SF3B1: variants seen among roughly 807,000 people sequenced by gnomAD.
SF3B1 encodes the protein splicing factor 3b subunit 1, also known as pre-mRNA processing 10.
Under a neutral mutation model 153.8 loss-of-function variants are expected in SF3B1, and 12 were observed. The ratio of observed to expected loss-of-function variants is 0.08; its 90% confidence interval spans 0.05 to 0.13. The LOEUF is 0.13. SF3B1 is among the 10% of genes least tolerant of loss of function. SF3B1 has a pLI of 1.00. For missense variants in SF3B1, 513 were observed against 1,606.1 expected (o/e 0.32, Z 11.63); for synonymous variants, 498 against 525.2 (o/e 0.95, Z 0.71).
At position 197,412,868 on chromosome 2, in the gene SF3B1, T is replaced by C. The variant is rs368964114; in HGVS notation, c.667-2861A>G. On this transcript the variant is annotated intron_variant, in intron 6 of 24. Transcript: ENST00000335508. ...GGCAGGCACCTGTAATCCCAGCTACTTGGGAGGGTGAGGCAGGAGAATCAC... is the reference window on the plus strand; with the variant it reads ...GGCAGGCACCTGTAATCCCAGCTACCTGGGAGGGTGAGGCAGGAGAATCAC... 4.7e-5 allele frequency among the ~76,000 whole-genome samples: 7 copies of C among 147,910 alleles called. No individual in the cohort carries two copies. The East Asian group carries it at 1.2e-3, about 26-fold the overall frequency.
chr2:197,397,716 G>A (rs2084892322), intron 22 of SF3B1, among the ~76,000 whole-genome samples: 1 of 152,064 alleles, frequency 6.6e-6, no homozygotes, highest in South Asian at 2.1e-4. Flanking sequence ...AGAATCGCCT[G>A]CACCTGGGAG....
Position 197,401,908 on chromosome 2 carries a change from A to T in SF3B1, c.2224-20T>A, listed in dbSNP as rs375511433. ...CAAACCCTATTTTTAAATAAAAAAT[A>T]TATGTACTTTAGTAATTTAGATTTA... On this transcript the variant is annotated intron_variant, in intron 15 of 24. Transcript: ENST00000335508. The surrounding 1 kb of genome is among the most constrained non-coding windows in gnomAD (Gnocchi z 4.2). 3.2e-6 allele frequency: 5 copies of T among 1,585,290 alleles called. No homozygotes were observed. Among genetic ancestry groups the T allele is most frequent in the Non-Finnish European group, 4.3e-6 (5 of 1,170,262 alleles).
chr2:197,397,329 GA>G (rs2084887251), intron 22 of SF3B1, among the ~76,000 whole-genome samples: 1 of 152,114 alleles, frequency 6.6e-6, no homozygotes, highest in Admixed American at 6.6e-5. Flanking sequence ...GCATTAATAT[GA>G]GACTTAAATG....
chr2:197,412,987 A>AG (rs2085094049), intron 6 of SF3B1, among the ~76,000 whole-genome samples: 1 of 151,322 alleles, frequency 6.6e-6, no homozygotes, highest in African/African-American at 2.4e-5. Context: ...AAAAAAAAAA[A>AG]AAAAAAAAGA....
intron 6 of SF3B1, among the ~76,000 whole-genome samples, chr2:197,415,497 G>C (rs886706476): frequency 6.6e-6 from 1 of 151,860 alleles, no homozygotes; most frequent in Non-Finnish European, 1.5e-5. Context: ...CTCAAGATCC[G>C]CCTGCCTTGG....
chr2:197,421,962 A>G (rs750737269), intron 2 of SF3B1, among the ~76,000 whole-genome samples: 10 of 152,360 alleles, frequency 6.6e-5, no homozygotes, highest in Admixed American at 2.6e-4. Flanking sequence ...TCTGGGCAAC[A>G]GAGCAAGACT....
chr2:197,400,337 C>T lies in SF3B1; in HGVS notation c.2816G>A (p.Arg939His), dbSNP rs2105981708. Residue 939 changes from arginine (R) to histidine (H), a missense_variant, in exon 19 of 25, where the codon CGT becomes CAT. Coordinates refer to ENST00000335508, the MANE Select transcript of SF3B1 (RefSeq NM_012433.4). The surrounding 1 kb of genome is among the most constrained non-coding windows in gnomAD (Gnocchi z 5.0). ...AACTTTAGCAGATTTGTTATTTAAACGCCACAAAACTGTACCACAGATCTG... is the reference window on the plus strand; with the variant it reads ...AACTTTAGCAGATTTGTTATTTAAATGCCACAAAACTGTACCACAGATCTG... ...LPQICGTVLW[R>H]LNNKSAKVRQ... is the part of the protein sequence containing the mutation. 6.2e-7 allele frequency: 1 copy of T among 1,614,024 alleles called. No homozygotes were observed. Among genetic ancestry groups the T allele is most frequent in the Non-Finnish European group, 8.5e-7 (1 of 1,179,942 alleles).
At chr2:197,429,241 C>T (rs753411184) in intron 1 of SF3B1, among the ~76,000 whole-genome samples, 6 of 152,176 alleles carry the variant, frequency 3.9e-5, no homozygotes, top group African/African-American at 1.2e-4. Context: ...GAGACTAGGA[C>T]TTCCTATTGG....
intron 5 of SF3B1, 110 bp downstream of exon 5, chr2:197,418,399 A>C (rs1390219965): frequency 1.2e-5 from 8 of 692,692 alleles, no homozygotes; most frequent in Non-Finnish European, 1.8e-5. Context: ...AATTTTTATT[A>C]ATACTATTAT....
At chr2:197,411,788 G>C (rs2085072272) in intron 6 of SF3B1, among the ~76,000 whole-genome samples, 1 of 151,826 alleles carries the variant, frequency 6.6e-6, no homozygotes, top group African/African-American at 2.4e-5. Context: ...AGACTCAATA[G>C]TTTTTCCCTT....
In SF3B1 at chr2:197,396,039, T is replaced by G. The variant is rs761630984; in HGVS notation, c.3539+17A>C. The G allele has an allele frequency of 2.5e-6, 4 of 1,581,438 alleles. No individual in the cohort carries two copies. In the East Asian group the frequency reaches 6.7e-5, roughly 27 times the overall value. On this transcript the variant is annotated intron_variant, in intron 23 of 24. Coordinates refer to ENST00000335508, the MANE Select transcript of SF3B1 (RefSeq NM_012433.4). ...AGAGTTATAATTATTTTCTTGTATT[T>G]AGTTCAAGTCACTTACCTATCCATT... is the stretch of plus-strand genomic sequence containing the variant.
chr2:197,397,837 CAGA>C (rs2084894581), intron 22 of SF3B1, 145 bp downstream of exon 22: 1 of 493,262 alleles, frequency 2.0e-6, no homozygotes, highest in African/African-American at 2.0e-5. Flanking sequence ...TTCCAATAAT[CAGA>C]AGGTCAGTGG....
At chr2:197,399,239 T>C (rs1358949538) in intron 20 of SF3B1, among the ~76,000 whole-genome samples, 2 of 152,154 alleles carry the variant, frequency 1.3e-5, no homozygotes, top group Admixed American at 1.3e-4. Flanking sequence ...GAGGATAGGG[T>C]TGCATTGGAG....
chr2:197,401,585 T>C lies in SF3B1; in HGVS notation c.2371-60A>G, dbSNP rs1303276780. The C allele has an allele frequency of 1.1e-5, 16 of 1,521,760 alleles. No homozygotes were observed. The highest frequency in any genetic ancestry group is 1.2e-5 in the South Asian group (1 of 84,458). The allele number at this position is 1,521,760 out of a possible 1,614,324, so 94.3% of individuals were successfully genotyped here. A position where few individuals can be genotyped will look rare whatever the true frequency, so the allele number is the denominator to read the frequency against. ...TGACCTGAAATGAAGAGAATACTCA[T>C]TGCTGATTACGTGATTTTAAAAAAT... On this transcript the variant is annotated intron_variant, in intron 16 of 24. Coordinates refer to ENST00000335508, the MANE Select transcript of SF3B1 (RefSeq NM_012433.4). This position sits in a 1 kb window ranked among gnomAD's most constrained non-coding sequence, Gnocchi z 4.2.
Position 197,401,329 on chromosome 2 carries a change from CAT to C in SF3B1, c.2496+69_2496+70del. The C allele has an allele frequency of 7.5e-7, 1 of 1,338,730 alleles. No homozygotes were observed. The highest frequency in any genetic ancestry group is 1.3e-5 in the South Asian group (1 of 75,414). The allele number at this position is 1,338,730 out of a possible 1,614,324, so 82.9% of individuals were successfully genotyped here. ...AATCAAGGCAAAAAATAATATACAA[CAT>C]GCATTCAAGTTGACTAAAGAATGAG... On this transcript the variant is annotated intron_variant, in intron 17 of 24. Transcript: ENST00000335508. The surrounding 1 kb of genome is among the most constrained non-coding windows in gnomAD (Gnocchi z 4.2).
chr2:197,399,109 T>G (rs1482116962), intron 20 of SF3B1: 66 of 1,281,138 alleles, frequency 5.2e-5, no homozygotes, highest in Non-Finnish European at 6.5e-5. Context: ...GCTCTGATTC[T>G]CTCTCCATTG....
chr2:197,398,670 GTATAAA>G (rs1486540053), intron 20 of SF3B1, 89 bp from the exon 21 acceptor site: 55 of 1,204,048 alleles, frequency 4.6e-5, no homozygotes, highest in East Asian at 2.6e-4. Context: ...ATATGACTAT[GTATAAA>G]TATAAACTTA....
At chr2:197,397,740 T>G (rs1646596308) in intron 22 of SF3B1, among the ~76,000 whole-genome samples, 2 of 150,686 alleles carry the variant, frequency 1.3e-5, no homozygotes, top group Admixed American at 1.3e-4. Context: ...GTGGTTGCAG[T>G]GAGCCGAGAT....
At chr2:197,408,885 T>C (rs2085028114) in intron 7 of SF3B1, among the ~76,000 whole-genome samples, 1 of 152,106 alleles carries the variant, frequency 6.6e-6, no homozygotes, top group Non-Finnish European at 1.5e-5. Flanking sequence ...AGCGCACCAC[T>C]GCACTCTAGC....
Sources: allele counts gnomAD v4.1 joint callset (sites outside exome capture counted in the v4.1 genomes callset), GRCh38; gene constraint gnomAD v4.1.1; non-coding constraint Gnocchi (gnomAD v3.1); transcripts MANE v1.5; gene names NCBI Gene and HGNC (gene_info 2026-07-23, HGNC 2026-07-21).